Variants in PTBP2 observed in about 807,000 individuals in gnomAD.
PTBP2 encodes the protein polypyrimidine tract binding protein 2, also known as polypyrimidine tract-binding protein 2.
In PTBP2, 13 loss-of-function variants were observed where a neutral mutation model predicts 61.4. The ratio of observed to expected loss-of-function variants is 0.21; its 90% CI spans 0.14 to 0.34. The LOEUF is 0.34. Ranked by LOEUF, PTBP2 falls within the 10% of genes least tolerant of loss-of-function variation. The pLI is 1.00. For synonymous variants in PTBP2, 215 were observed against 218.5 expected, an observed-to-expected ratio of 0.98 and a Z score of 0.14; for missense variants, 405 against 642.6, an observed-to-expected ratio of 0.63 and a Z score of 4.00.
Position 96,813,660 on chromosome 1 carries a change from G to GA in PTBP2, c.*255_*256insA. On this transcript the variant is annotated 3_prime_UTR_variant, in exon 14 of 14. Coordinates refer to ENST00000674951, the MANE Select transcript of PTBP2 (RefSeq NM_021190.4). ...CTGTTTAAAATTTCAGTTTAATTTTGCTTTTTTTTTTTTTTTTTTTTTCCT... is the reference window on the plus strand; with the variant it reads ...CTGTTTAAAATTTCAGTTTAATTTTGACTTTTTTTTTTTTTTTTTTTTTCCT... The GA allele has an allele frequency of 7.3e-6, 1 of 137,886 alleles. No homozygotes were observed. The highest frequency in any genetic ancestry group is 1.3e-5 in the Non-Finnish European group (1 of 78,780). 8.5% of individuals were successfully genotyped at this position (137,886 alleles called of 1,614,324 possible).
intron 11 of PTBP2, among the ~76,000 whole-genome samples, chr1:96,812,290 T>C (rs1055510066): frequency 1.3e-5 from 2 of 152,080 alleles, no homozygotes; most frequent in Admixed American, 6.6e-5. Flanking sequence ...GTTATCCAGA[T>C]AAAAAATAAT....
chr1:96,812,532 G>C (rs1662185617), intron 11 of PTBP2, among the ~76,000 whole-genome samples, 180 bp from the exon 12 acceptor site: 1 of 152,082 alleles, frequency 6.6e-6, no homozygotes, highest in East Asian at 1.9e-4. Flanking sequence ...TTTTTTGCCA[G>C]AATGCCTTGT....
At chr1:96,812,998 T>G in intron 12 of PTBP2, 31 bp from the exon 13 acceptor site, 9 of 1,598,734 alleles carry the variant, frequency 5.6e-6, no homozygotes, top group Non-Finnish European at 7.7e-6. Flanking sequence ...ATTCTTAATC[T>G]TCACTTTTTC....
downstream of PTBP2, chr1:96,817,404 T>C (rs1662527210): frequency 6.6e-6 from 1 of 152,140 alleles, no homozygotes. Flanking sequence ...GTAATATTCA[T>C]TGATTATGCA....
At chr1:96,731,069 A>G (rs1245210721) in intron 2 of PTBP2, among the ~76,000 whole-genome samples, 1 of 152,076 alleles carries the variant, frequency 6.6e-6, no homozygotes, top group Non-Finnish European at 1.5e-5. Context: ...TTCTTTGTTA[A>G]TGACAATGGA....
intron 8 of PTBP2, among the ~76,000 whole-genome samples, chr1:96,793,238 T>C (rs938292183): frequency 6.6e-5 from 10 of 152,258 alleles, no homozygotes; most frequent in African/African-American, 1.9e-4. Context: ...TTTGGATTAT[T>C]GAACTGTCCT....
At chr1:96,721,940 G>A (rs1487881004) in intron 1 of PTBP2, 68 bp downstream of exon 1, 15 of 1,549,876 alleles carry the variant, frequency 9.7e-6, no homozygotes, top group Non-Finnish European at 1.2e-5. Flanking sequence ...GCCCGGTCCC[G>A]GGCCGGGGAG....
chr1:96,753,651 C>T (rs1022696464), intron 3 of PTBP2, among the ~76,000 whole-genome samples: 3 of 151,772 alleles, frequency 2.0e-5, no homozygotes, highest in Non-Finnish European at 2.9e-5. Context: ...TTAGAATTAG[C>T]AGACAAGGAC....
rs749673596 is a variant in PTBP2, at chr1:96,770,840, A to G, written c.421A>G (p.Thr141Ala). ...TCACAAAGAACTAAAGACAGATAATACATTAAACCAAGTAAGTATGTGTAG... is the reference window on the plus strand; with the variant it reads ...TCACAAAGAACTAAAGACAGATAATGCATTAAACCAAGTAAGTATGTGTAG... ...SNHKELKTDNTLNQRAQAVLQ... is the reference protein window; with the variant it reads ...SNHKELKTDNALNQRAQAVLQ... Residue 141 changes from threonine (T) to alanine (A), a missense_variant, in exon 5 of 14, where the codon ACA (threonine) becomes GCA (alanine). This residue lies in a region of PTBP2 where 342 missense variants were observed against 491.2 expected (regional missense o/e 0.70). Transcript: ENST00000674951. 3.8e-6 allele frequency: 6 copies of G among 1,574,168 alleles called. No individual in the cohort carries two copies. The highest frequency in any genetic ancestry group is 5.2e-6 in the Non-Finnish European group (6 of 1,144,118).
chr1:96,786,291 G>C (rs1295294680), intron 8 of PTBP2, among the ~76,000 whole-genome samples: 1 of 152,084 alleles, frequency 6.6e-6, no homozygotes, highest in Non-Finnish European at 1.5e-5. Flanking sequence ...TAACTAATAA[G>C]AATTAACTAC....
At chr1:96,817,044 T>A (rs761365240), downstream of PTBP2, 2 of 152,150 alleles carry the variant, frequency 1.3e-5, no homozygotes, top group Non-Finnish European at 2.9e-5. Context: ...CCAAGCCAGA[T>A]GAAAAGAAAC....
At chr1:96,792,180 A>G (rs1246919159) in intron 8 of PTBP2, among the ~76,000 whole-genome samples, 1 of 152,136 alleles carries the variant, frequency 6.6e-6, no homozygotes, top group Non-Finnish European at 1.5e-5. Context: ...ACAAACATTT[A>G]AAATACTGTA....
chr1:96,749,393 A>G (rs1654253108), intron 2 of PTBP2, among the ~76,000 whole-genome samples: 1 of 152,230 alleles, frequency 6.6e-6, no homozygotes, highest in African/African-American at 2.4e-5. Flanking sequence ...ATATTTTTGA[A>G]AACTAGGAGA....
At chr1:96,740,855 A>C (rs1353396835) in intron 2 of PTBP2, among the ~76,000 whole-genome samples, 1 of 151,982 alleles carries the variant, frequency 6.6e-6, no homozygotes. Flanking sequence ...CAAATGAGTT[A>C]ATATTTGACG....
intron 7 of PTBP2, among the ~76,000 whole-genome samples, chr1:96,779,864 A>T (rs1022240321): frequency 2.3e-5 from 3 of 128,366 alleles, no homozygotes; most frequent in African/African-American, 9.0e-5. Flanking sequence ...AGAATATCAC[A>T]TAATATTACA....
chr1:96,762,205 C>T (rs1259966518), intron 3 of PTBP2, among the ~76,000 whole-genome samples: 13 of 150,490 alleles, frequency 8.6e-5, no homozygotes, highest in Middle Eastern at 3.4e-3. Context: ...TCCACAAAAC[C>T]GCCATTGTCA....
chr1:96,722,679 A>G (rs1486394829), intron 1 of PTBP2, among the ~76,000 whole-genome samples: 1 of 152,226 alleles, frequency 6.6e-6, no homozygotes, highest in African/African-American at 2.4e-5. Context: ...ACAAGAGCAG[A>G]TAGTCAACAA....
chr1:96,808,633 A>G (rs1023893377), intron 11 of PTBP2, among the ~76,000 whole-genome samples: 15 of 152,354 alleles, frequency 9.8e-5, no homozygotes, highest in Non-Finnish European at 2.2e-4. Flanking sequence ...CCCAAATTTT[A>G]TAAGATATTG....
intron 13 of PTBP2, 27 bp downstream of exon 13, chr1:96,813,133 T>C (rs757902801): frequency 2.5e-6 from 4 of 1,571,888 alleles, no homozygotes; most frequent in Non-Finnish European, 3.5e-6. Context: ...ATCTTTAAAT[T>C]AGTGACCTGA....
Sources: allele counts gnomAD v4.1 joint callset (sites outside exome capture counted in the v4.1 genomes callset), GRCh38; gene constraint gnomAD v4.1.1; regional missense constraint gnomAD v4.1.1; transcripts MANE v1.5; gene names NCBI Gene and HGNC (gene_info 2026-07-23, HGNC 2026-07-21).